The following LPIN2 variants were observed in gnomAD, a reference collection of about 807,000 sequenced individuals.
LPIN2 encodes the protein phosphatidate phosphatase LPIN2.
A neutral mutation model predicts 111.4 loss-of-function variants in LPIN2; 55 were observed. The observed-to-expected ratio is 0.49, with a 90% confidence interval of 0.40 to 0.62. LPIN2 has a LOEUF of 0.62. LPIN2 is among the 20% of genes least tolerant of loss of function. The pLI is 0.00. For missense variants in LPIN2, 992 were observed against 1,112.1 expected, an observed-to-expected ratio of 0.89 and a Z score of 1.54; for synonymous variants, 425 against 414.0, an observed-to-expected ratio of 1.03 and a Z score of -0.32.
chr18:2,999,954 T>G (rs1235040912), intron 1 of LPIN2, among the ~76,000 whole-genome samples: 11 of 151,722 alleles, frequency 7.3e-5, no homozygotes, highest in Admixed American at 7.2e-4. Context: ...TTCAGGAGGC[T>G]GAGGTGGGAG....
At chr18:2,981,744 CTGAG>C (rs2078114259) in intron 1 of LPIN2, among the ~76,000 whole-genome samples, 1 of 151,674 alleles carries the variant, frequency 6.6e-6, no homozygotes, top group Admixed American at 6.6e-5. Flanking sequence ...CCTGAGAACT[CTGAG>C]TAAGTACACT....
intron 17 of LPIN2, 96 bp from the exon 18 acceptor site, chr18:2,921,743 C>T: frequency 1.1e-6 from 1 of 874,382 alleles, no homozygotes; most frequent in South Asian, 1.4e-5. Flanking sequence ...CACCCAATTT[C>T]TTCAACCCTT....
chr18:2,952,923 T>C (rs2077558823), intron 3 of LPIN2, among the ~76,000 whole-genome samples: 1 of 152,158 alleles, frequency 6.6e-6, no homozygotes, highest in African/African-American at 2.4e-5. Context: ...TGATGACATA[T>C]AATTAAATGA....
chr18:2,918,278 G>A lies in LPIN2; in HGVS notation c.*2015C>T, dbSNP rs1318085142. 1.3e-5 allele frequency: 2 copies of A among 152,266 alleles called. No individual in the cohort carries two copies. Among genetic ancestry groups the A allele is most frequent in the East Asian group, 3.9e-4 (2 of 5,190 alleles). 9.4% of individuals were successfully genotyped at this position (152,266 alleles called of 1,614,324 possible). A position where few individuals can be genotyped will look rare whatever the true frequency, so the allele number is the denominator to read the frequency against. On this transcript the variant is annotated 3_prime_UTR_variant, in exon 20 of 20. Coordinates refer to ENST00000677752, the MANE Select transcript of LPIN2 (RefSeq NM_001375808.2). ...CAAAGAGAAGAGCTGTCAAGAAAAA[G>A]AAACTAGTCAAAAACTCTTTAAAGG...
At chr18:2,932,927 G>A (rs1340165650) in intron 8 of LPIN2, among the ~76,000 whole-genome samples, 1 of 152,074 alleles carries the variant, frequency 6.6e-6, no homozygotes, top group Admixed American at 6.5e-5. Context: ...ATTCCATCGT[G>A]GTAGGCCAAC....
Position 2,920,395 on chromosome 18 carries a change from A to C in LPIN2, c.2589T>G (p.Leu863=), listed in dbSNP as rs2077036172. 2 of 1,613,834 alleles carry C rather than the reference A, an allele frequency of 1.2e-6. No individual in the cohort carries two copies. Among genetic ancestry groups the C allele is most frequent in the Non-Finnish European group, 1.7e-6 (2 of 1,180,032 alleles). ...LSELVEHVFP[L]LSKEQNSAFP... The stretch of plus-strand genomic sequence containing the variant: ...AAGCGGAATTCTGCTCCTTACTGAG[A>C]AGGGGGAACACATGCTCCACGAGCT... Residue 863 remains leucine, a synonymous_variant, in exon 20 of 20, where the codon CTT becomes CTG. Transcript: ENST00000677752.
chr18:2,939,973 T>C (rs1162445461), intron 5 of LPIN2, among the ~76,000 whole-genome samples: 2 of 152,210 alleles, frequency 1.3e-5, no homozygotes, highest in African/African-American at 2.4e-5. Context: ...GACTATACTT[T>C]TTTTCACTAT....
Position 2,921,474 on chromosome 18 carries a change from C to T in LPIN2, c.2442+59G>A, listed in dbSNP as rs1302048511. The stretch of plus-strand genomic sequence containing the variant: ...AGAATTGGGACGTGGCTACACCCCA[C>T]GAAGTACATCCCTCTGAATTTCACC... On this transcript the variant is annotated intron_variant, in intron 18 of 19. Coordinates refer to ENST00000677752, the MANE Select transcript of LPIN2 (RefSeq NM_001375808.2). The T allele has an allele frequency of 1.3e-5, 17 of 1,298,046 alleles. No homozygotes were observed. In the East Asian group the frequency reaches 1.8e-4, roughly 14 times the overall value. The allele number at this position is 1,298,046 out of a possible 1,614,324, so 80.4% of individuals were successfully genotyped here.
At chr18:2,960,293 A>C (rs1209764829) in intron 2 of LPIN2, among the ~76,000 whole-genome samples, 1 of 151,748 alleles carries the variant, frequency 6.6e-6, no homozygotes, top group Non-Finnish European at 1.5e-5. Context: ...AATACTATAT[A>C]AGGTAAAGGA....
rs1045644510 is a variant in LPIN2, at chr18:2,919,485, G to A, written c.*808C>T. On this transcript the variant is annotated 3_prime_UTR_variant, in exon 20 of 20. Coordinates refer to ENST00000677752, the MANE Select transcript of LPIN2 (RefSeq NM_001375808.2). Reference sequence around the variant, plus strand: ...CACTCAACCGCCTATCTGCATTTCGGAGGCCTCCCTAAAAGCAGAGTTGTT... The same window carrying A: ...CACTCAACCGCCTATCTGCATTTCGAAGGCCTCCCTAAAAGCAGAGTTGTT... 1 of 152,308 alleles carries A rather than the reference G, an allele frequency of 6.6e-6. No homozygotes were observed. Among genetic ancestry groups the A allele is most frequent in the African/African-American group, 2.4e-5 (1 of 41,438 alleles). The allele number at this position is 152,308 out of a possible 1,614,324, so 9.4% of individuals were successfully genotyped here.
At position 2,920,767 on chromosome 18, in the gene LPIN2, A is replaced by G. The variant is rs1328975143; in HGVS notation, c.2546+11T>C. The G allele has an allele frequency of 6.2e-7, 1 of 1,606,826 alleles. No homozygotes were observed. Among genetic ancestry groups the G allele is most frequent in the Admixed American group, 1.7e-5 (1 of 60,012 alleles). ...GCAGGGCGCCGGGCTGAGAGCTGAG[A>G]ATGTACTTACGATGACTTGTTTCCT... On this transcript the variant is annotated intron_variant, in intron 19 of 19. Coordinates refer to ENST00000677752, the MANE Select transcript of LPIN2 (RefSeq NM_001375808.2).
At position 2,956,140 on chromosome 18, in the gene LPIN2, TTG is replaced by T. The variant is rs148812832; in HGVS notation, c.193-1543_193-1542del. Among the ~76,000 whole-genome samples, 1,488 of 152,304 alleles carry T rather than the reference TTG, an allele frequency of 9.8e-3. 26 individuals are homozygous for T. The highest frequency in any genetic ancestry group is 0.034 in the African/African-American group (1,401 of 41,540). On this transcript the variant is annotated intron_variant, in intron 2 of 19. Transcript: ENST00000677752. ...TTGAGTTAGCAATTCTGAAACTATT[TTG>T]TGTTTCCTAGGATTGAGTAACTAAG...
At chr18:2,942,980 G>A (rs963880922) in intron 4 of LPIN2, among the ~76,000 whole-genome samples, 16 of 152,202 alleles carry the variant, frequency 1.1e-4, no homozygotes, top group Non-Finnish European at 1.0e-4. Flanking sequence ...CTGGGGGCTC[G>A]GAGGCTGAGG....
chr18:2,926,242 T>G (rs2077128550), intron 13 of LPIN2, among the ~76,000 whole-genome samples: 1 of 152,164 alleles, frequency 6.6e-6, no homozygotes, highest in Admixed American at 6.5e-5. Flanking sequence ...AGCCAAGGGC[T>G]GGGAGAAGCA....
chr18:2,922,271 A>AT, intron 16 of LPIN2, 72 bp from the exon 17 acceptor site: 1 of 1,511,898 alleles, frequency 6.6e-7, no homozygotes, highest in Non-Finnish European at 9.0e-7. Context: ...CAAAAAAAAA[A>AT]CCCCACACTT....
chr18:2,968,273 T>C (rs1239263236), intron 1 of LPIN2, among the ~76,000 whole-genome samples: 2 of 152,158 alleles, frequency 1.3e-5, no homozygotes, highest in African/African-American at 4.8e-5. Context: ...GAAGAAGCCT[T>C]ACCCGGGAAA....
At chr18:3,005,972 G>A (rs1161332394) in intron 1 of LPIN2, among the ~76,000 whole-genome samples, 1 of 152,174 alleles carries the variant, frequency 6.6e-6, no homozygotes, top group Non-Finnish European at 1.5e-5. Context: ...GGGCAGTGGG[G>A]CAGCATAGGA....
Position 2,927,827 on chromosome 18 carries a change from C to T in LPIN2, c.1621-16G>A, listed in dbSNP as rs778896885. 5.4e-5 allele frequency: 87 copies of T among 1,610,084 alleles called. No homozygotes were observed. Among genetic ancestry groups the T allele is most frequent in the Non-Finnish European group, 7.1e-5 (84 of 1,176,490 alleles). The stretch of plus-strand genomic sequence containing the variant: ...CAACTGTGGCCTGAAAACAACCAAC[C>T]TGGGTTAGTCTGGGCAATCTACTGG... On this transcript the variant is annotated splice_polypyrimidine_tract_variant and intron_variant, in intron 11 of 19. Transcript: ENST00000677752.
chr18:2,936,331 G>GGT (rs2077284370), intron 7 of LPIN2, among the ~76,000 whole-genome samples: 1 of 152,186 alleles, frequency 6.6e-6, no homozygotes, highest in African/African-American at 2.4e-5. Flanking sequence ...TGTATGTTCT[G>GGT]ACCCACTGTA....
Sources: gnomAD v4.1 joint callset for allele counts (sites outside exome capture counted in the v4.1 genomes callset) on GRCh38, gnomAD v4.1.1 for gene constraint, MANE v1.5 for transcripts, NCBI Gene and HGNC (gene_info 2026-07-23, HGNC 2026-07-21) for gene names.